Variants in SPHKAP observed in about 807,000 individuals in gnomAD.
SPHKAP encodes the protein SPHK1 interactor, AKAP domain containing, also known as A-kinase anchor protein SPHKAP.
In SPHKAP, 67 loss-of-function variants were observed where a neutral mutation model predicts 137.5. The observed-to-expected ratio is 0.49, with a 90% confidence interval of 0.40 to 0.60. The LOEUF is 0.60. Among genes scored for constraint, SPHKAP ranks in the 20% least tolerant of loss-of-function variants. The pLI is 0.00. For missense variants in SPHKAP, 2,097 were observed against 2,069.3 expected, an observed-to-expected ratio of 1.01 and a Z score of -0.26; for synonymous variants, 813 against 785.3, an observed-to-expected ratio of 1.04 and a Z score of -0.59.
At chr2:228,119,164 A>G (rs1254843498) in intron 2 of SPHKAP, among the ~76,000 whole-genome samples, 1 of 152,112 alleles carries the variant, frequency 6.6e-6, no homozygotes, top group Non-Finnish European at 1.5e-5. Flanking sequence ...AGGAAGGCAA[A>G]CGTTCATAGC....
At chr2:228,113,602 C>CCTCTCTCT (rs1491464654) in intron 2 of SPHKAP, among the ~76,000 whole-genome samples, 1 of 70,048 alleles carries the variant, frequency 1.4e-5, no homozygotes, top group Non-Finnish European at 3.1e-5. Flanking sequence ...TGCATTTAGC[C>CCTCTCTCT]ATCTCTCTCT....
At chr2:228,045,926 G>A (rs1696029858) in intron 3 of SPHKAP, among the ~76,000 whole-genome samples, 2 of 152,054 alleles carry the variant, frequency 1.3e-5, no homozygotes. Flanking sequence ...GAGAAAAATG[G>A]GGAGAAATTG....
At chr2:228,050,687 A>G (rs939745934) in intron 3 of SPHKAP, among the ~76,000 whole-genome samples, 1 of 152,196 alleles carries the variant, frequency 6.6e-6, no homozygotes, top group Non-Finnish European at 1.5e-5. Context: ...GAATTGATTA[A>G]TGTTAACTCT....
chr2:228,054,840 T>C (rs12694770), intron 3 of SPHKAP, among the ~76,000 whole-genome samples: 57,989 of 148,698 alleles, frequency 0.39, 11,537 homozygotes, highest in South Asian at 0.52. Context: ...ACCATTCTAT[T>C]CTAGATGGAG....
At chr2:228,132,185 CT>C in intron 1 of SPHKAP, 100 bp from the exon 2 acceptor site, 3 of 1,042,024 alleles carry the variant, frequency 2.9e-6, no homozygotes, top group Non-Finnish European at 2.9e-6. Context: ...CAAAAATCAT[CT>C]TTTTCAGATT....
At chr2:228,160,874 G>A (rs961171908) in intron 1 of SPHKAP, among the ~76,000 whole-genome samples, 6 of 152,050 alleles carry the variant, frequency 3.9e-5, no homozygotes, top group Admixed American at 6.5e-5. Flanking sequence ...AGTTCTCTGC[G>A]CTCACAGGTA....
At chr2:228,106,881 C>T (rs1698358579) in intron 3 of SPHKAP, among the ~76,000 whole-genome samples, 1 of 152,160 alleles carries the variant, frequency 6.6e-6, no homozygotes, top group Admixed American at 6.6e-5. Flanking sequence ...GTTAGTTTTT[C>T]ATAGGGACCC....
intron 1 of SPHKAP, among the ~76,000 whole-genome samples, chr2:228,163,203 C>A (rs12465384): frequency 6.6e-6 from 1 of 152,038 alleles, no homozygotes; most frequent in Non-Finnish European, 1.5e-5. Context: ...GGATTACCAA[C>A]ACAACCCAAT....
chr2:228,068,346 A>C (rs1412302735), intron 3 of SPHKAP, among the ~76,000 whole-genome samples: 2 of 151,976 alleles, frequency 1.3e-5, no homozygotes. Flanking sequence ...TGAAATACTG[A>C]CATTCTCCAC....
intron 3 of SPHKAP, among the ~76,000 whole-genome samples, chr2:228,034,350 T>A (rs1386589750): frequency 6.6e-6 from 1 of 152,202 alleles, no homozygotes; most frequent in East Asian, 1.9e-4. Context: ...AATCTCTGAG[T>A]AGAGCAATAA....
intron 5 of SPHKAP, among the ~76,000 whole-genome samples, chr2:228,023,765 A>G (rs1180095197): frequency 6.6e-6 from 1 of 152,226 alleles, no homozygotes; most frequent in Non-Finnish European, 1.5e-5. Context: ...CAACCTCAGC[A>G]GAGTCCAAGT....
At chr2:228,154,512 CTATATATA>C (rs1559203928) in intron 1 of SPHKAP, among the ~76,000 whole-genome samples, 34 of 22,058 alleles carry the variant, frequency 1.5e-3, no homozygotes, top group Non-Finnish European at 2.4e-3. Flanking sequence ...CTCTCTCTCT[CTATATATA>C]TATATATATA....
At chr2:228,054,177 A>C (rs1274364095) in intron 3 of SPHKAP, among the ~76,000 whole-genome samples, 1 of 152,214 alleles carries the variant, frequency 6.6e-6, no homozygotes, top group Non-Finnish European at 1.5e-5. Context: ...CCTTTCAGAG[A>C]CAACGTGGAG....
chr2:228,021,601 G>C, intron 6 of SPHKAP, 110 bp downstream of exon 6: 1 of 1,285,068 alleles, frequency 7.8e-7, no homozygotes, highest in Non-Finnish European at 1.1e-6. Flanking sequence ...AGCAAGTAAA[G>C]ACTGTGATGT....
At chr2:228,169,403 T>A (rs1401890555) in intron 1 of SPHKAP, among the ~76,000 whole-genome samples, 1 of 152,128 alleles carries the variant, frequency 6.6e-6, no homozygotes, top group Admixed American at 6.6e-5. Context: ...TGGAAGCTAA[T>A]GCTCATTTAC....
At chr2:228,087,771 G>T (rs1697583915) in intron 3 of SPHKAP, among the ~76,000 whole-genome samples, 2 of 152,044 alleles carry the variant, frequency 1.3e-5, no homozygotes, top group Admixed American at 1.3e-4. Flanking sequence ...AGAAAAAATA[G>T]AATGAACAGA....
intron 11 of SPHKAP, among the ~76,000 whole-genome samples, chr2:227,990,572 G>A (rs1042311748): frequency 2.0e-5 from 3 of 152,226 alleles, no homozygotes; most frequent in Admixed American, 1.3e-4. Flanking sequence ...TTCCTAACAC[G>A]AACCTGTTTG....
chr2:228,108,866 C>T lies in SPHKAP; in HGVS notation c.212G>A (p.Gly71Asp). The part of the protein sequence containing the change: ...LQNQRMPCQI[G>D]FVEDKSENCA... ...GTTTTCAGACTTGTCTTCTACAAAA[C>T]CAATTTGGCAGGGCATCCTCTGATT... The change falls in exon 3 of 12, where the codon GGT becomes GAT. Residue 71 changes from glycine to aspartate, a missense_variant. Gly to Asp is a moderately conservative substitution (Grantham distance 94). Transcript: ENST00000392056. The T allele has an allele frequency of 6.2e-7, 1 of 1,610,436 alleles. No homozygotes were observed. The highest frequency in any genetic ancestry group is 8.5e-7 in the Non-Finnish European group (1 of 1,179,188).
chr2:227,995,500 A>AG lies in SPHKAP; in HGVS notation c.4634+8dup. The AG allele has an allele frequency of 6.2e-7, 1 of 1,614,064 alleles. No individual in the cohort carries two copies. Among genetic ancestry groups the AG allele is most frequent in the Non-Finnish European group, 8.5e-7 (1 of 1,179,986 alleles). On this transcript the variant is annotated intron_variant, in intron 8 of 11. Transcript: ENST00000392056. ...AATTTCCCTGGGAATTCAAGGGAAG[A>AG]GCAGGTACCTCATGGATCGCTCACT...
Sources: allele counts gnomAD v4.1 joint callset (sites outside exome capture counted in the v4.1 genomes callset), GRCh38; gene constraint gnomAD v4.1.1; transcripts MANE v1.5; gene names NCBI Gene and HGNC (gene_info 2026-07-23, HGNC 2026-07-21).